Variants in KDM4C observed in about 807,000 individuals in gnomAD.
The protein encoded by KDM4C is lysine demethylase 4C, also known as lysine-specific demethylase 4C.
KDM4C carries 81 observed loss-of-function variants against 129.3 expected under a neutral mutation model. The observed-to-expected ratio is 0.63, with a 90% CI of 0.52 to 0.75. KDM4C has a LOEUF of 0.75. Ranked by LOEUF, KDM4C falls within the 30% of genes least tolerant of loss-of-function variation. The probability of loss-of-function intolerance (pLI) is 0.00; values close to 1 mark genes in which losing one functional copy is unlikely to be tolerated. For missense variants in KDM4C, 1,457 were observed against 1,304.0 expected, an observed-to-expected ratio of 1.12 and a Z score of -1.81; for synonymous variants, 573 against 456.1, an observed-to-expected ratio of 1.26 and a Z score of -3.26.
chr9:7,152,056 G>A (rs1842779727), intron 19 of KDM4C, among the ~76,000 whole-genome samples: 1 of 152,258 alleles, frequency 6.6e-6, no homozygotes, highest in Admixed American at 6.5e-5. Flanking sequence ...AGCTGAATCA[G>A]AAATTTCTCT....
intron 19 of KDM4C, among the ~76,000 whole-genome samples, chr9:7,130,709 G>T (rs1488961845): frequency 1.3e-5 from 2 of 152,176 alleles, no homozygotes; most frequent in East Asian, 1.9e-4. Context: ...AATTCACATA[G>T]ATTGGAAAGG....
chr9:6,973,601 C>A (rs942808449), intron 8 of KDM4C, among the ~76,000 whole-genome samples: 9 of 152,052 alleles, frequency 5.9e-5, no homozygotes, highest in Non-Finnish European at 8.8e-5. Flanking sequence ...AATATGGTAA[C>A]CTAGAATTTA....
chr9:6,814,486 G>T, intron 3 of KDM4C, 145 bp from the exon 4 acceptor site: 1 of 521,218 alleles, frequency 1.9e-6, no homozygotes, highest in East Asian at 3.1e-5. Context: ...AAATCAGTTT[G>T]TATGTTTACT....
In KDM4C at chr9:6,981,134, C is replaced by T; in HGVS notation, c.1115+16C>T. 1 of 1,589,766 alleles carries T rather than the reference C, an allele frequency of 6.3e-7. No homozygotes were observed. Among genetic ancestry groups the T allele is most frequent in the Non-Finnish European group, 8.6e-7 (1 of 1,169,508 alleles). ...CATCCCGAAGGTAATGACCCCTCACCCCACTGACCTGCCTTGCCTGTCGTG... is the reference window on the plus strand; with the variant it reads ...CATCCCGAAGGTAATGACCCCTCACTCCACTGACCTGCCTTGCCTGTCGTG... On this transcript the variant is annotated intron_variant, in intron 9 of 21. Transcript: ENST00000381309.
rs375573928 is a variant in KDM4C, at chr9:6,737,534, G to A, written c.49+16537G>A. 1.3e-4 allele frequency among the ~76,000 whole-genome samples: 19 copies of A among 151,504 alleles called. No homozygotes were observed. The East Asian group carries it at 3.5e-3, about 28-fold the overall frequency. On this transcript the variant is annotated intron_variant, in intron 1 of 17. Coordinates refer to the KDM4C transcript ENST00000536108. ...CAAAAATTAGCTGGGCATGGTGGCAGGCACCTGTAATCCCAGTTACTTGGG... is the reference window on the plus strand; with the variant it reads ...CAAAAATTAGCTGGGCATGGTGGCAAGCACCTGTAATCCCAGTTACTTGGG...
At chr9:6,778,723 T>C (rs1282753061) in intron 1 of KDM4C, among the ~76,000 whole-genome samples, 1 of 151,710 alleles carries the variant, frequency 6.6e-6, no homozygotes, top group Non-Finnish European at 1.5e-5. Flanking sequence ...GCTGGGATCA[T>C]GCCACTACAC....
intron 1 of KDM4C, among the ~76,000 whole-genome samples, chr9:6,772,439 G>C (rs1305673104): frequency 6.6e-6 from 1 of 152,006 alleles, no homozygotes; most frequent in Non-Finnish European, 1.5e-5. Context: ...TTGGCTCACC[G>C]CAACCTCCGC....
Position 6,984,199 on chromosome 9 carries a change from TA to T in KDM4C, c.1151del (p.Lys384ArgfsTer37), listed in dbSNP as rs1197368982. 3 of 1,613,592 alleles carry T rather than the reference TA, an allele frequency of 1.9e-6. No individual in the cohort carries two copies. Among genetic ancestry groups the T allele is most frequent in the Non-Finnish European group, 2.5e-6 (3 of 1,179,710 alleles). On this transcript the variant is annotated frameshift_variant, in exon 10 of 22. Transcript: ENST00000381309. LOFTEE classifies it high-confidence loss of function. ...GTGCTAGGTCTACCTCTAAAAGGCCTAAGGCTGATGAGGAAGAGGAAGTGTC... is the reference window on the plus strand; with the variant it reads ...GTGCTAGGTCTACCTCTAAAAGGCCTAGGCTGATGAGGAAGAGGAAGTGTC... ...QCARSTSKRP[K>X]ADEEEEVSDE...
chr9:6,746,308 G>A (rs1364865806), intron 1 of KDM4C, among the ~76,000 whole-genome samples: 3 of 120,128 alleles, frequency 2.5e-5, no homozygotes, highest in Non-Finnish European at 4.8e-5. Flanking sequence ...TTGCTCTGTC[G>A]CCCAGGCTGG....
intron 5 of KDM4C, among the ~76,000 whole-genome samples, chr9:6,856,301 A>G (rs553823683): frequency 3.5e-4 from 54 of 152,248 alleles, no homozygotes; most frequent in African/African-American, 1.3e-3. Context: ...AGACCCAGTA[A>G]TATGTTCTAA....
intron 18 of KDM4C, among the ~76,000 whole-genome samples, chr9:7,115,421 A>G (rs976233288): frequency 2.6e-5 from 4 of 152,212 alleles, no homozygotes; most frequent in African/African-American, 9.6e-5. Context: ...TATTGGTATT[A>G]GAGTCAAGCA....
At chr9:6,831,096 T>C (rs952961728) in intron 4 of KDM4C, among the ~76,000 whole-genome samples, 2 of 152,256 alleles carry the variant, frequency 1.3e-5, no homozygotes, top group African/African-American at 4.8e-5. Context: ...TCATAGACTC[T>C]GTTATTTTTT....
At position 6,824,177 on chromosome 9, in the gene KDM4C, A is replaced by G. The variant is rs569394141; in HGVS notation, c.435+9432A>G. Among the ~76,000 whole-genome samples the G allele has an allele frequency of 3.9e-5, 6 of 152,338 alleles. No homozygotes were observed. In the East Asian group the frequency reaches 9.6e-4, roughly 24 times the overall value. On this transcript the variant is annotated intron_variant, in intron 4 of 21. Coordinates refer to ENST00000381309, the MANE Select transcript of KDM4C (RefSeq NM_015061.6). Reference sequence around the variant, plus strand: ...AATAGTTGGAAAATGATAACAGAGGATGAAGGTTACTTGTATTTGTTTTTG... The same window carrying G: ...AATAGTTGGAAAATGATAACAGAGGGTGAAGGTTACTTGTATTTGTTTTTG...
chr9:6,864,713 A>G (rs1409840801), intron 5 of KDM4C, among the ~76,000 whole-genome samples: 1 of 151,518 alleles, frequency 6.6e-6, no homozygotes, highest in African/African-American at 2.4e-5. Flanking sequence ...TCTTTGAGTA[A>G]GCTTTCTACT....
At chr9:6,971,280 G>A (rs967524879) in intron 8 of KDM4C, among the ~76,000 whole-genome samples, 1 of 152,120 alleles carries the variant, frequency 6.6e-6, no homozygotes, top group Non-Finnish European at 1.5e-5. Context: ...TTACTGCTTG[G>A]CAGAACATGG....
At chr9:7,140,713 A>T (rs1841660922) in intron 19 of KDM4C, among the ~76,000 whole-genome samples, 1 of 152,202 alleles carries the variant, frequency 6.6e-6, no homozygotes. Flanking sequence ...GCCACCCATC[A>T]TGCTGGGTTC....
intron 17 of KDM4C, among the ~76,000 whole-genome samples, chr9:7,079,979 G>A (rs1834347627): frequency 6.6e-6 from 1 of 152,064 alleles, no homozygotes; most frequent in Non-Finnish European, 1.5e-5. Flanking sequence ...TAAAGGTACA[G>A]GCTTTGAGGG....
chr9:6,859,627 C>T (rs1372795282), intron 5 of KDM4C, among the ~76,000 whole-genome samples: 3 of 149,712 alleles, frequency 2.0e-5, no homozygotes, highest in Non-Finnish European at 4.4e-5. Context: ...CTTTGGGAGG[C>T]CCAGGCGGGC....
intron 17 of KDM4C, among the ~76,000 whole-genome samples, chr9:7,051,548 A>T (rs1310491058): frequency 1.3e-5 from 2 of 152,188 alleles, no homozygotes; most frequent in African/African-American, 4.8e-5. Context: ...TGGTAACCTA[A>T]CAAGTTCATG....
Sources: gnomAD v4.1 joint callset for allele counts (sites outside exome capture counted in the v4.1 genomes callset) on GRCh38, gnomAD v4.1.1 for gene constraint, MANE v1.5 for transcripts, NCBI Gene and HGNC (gene_info 2026-07-23, HGNC 2026-07-21) for gene names.